The following WNK1 variants were observed in gnomAD, a reference collection of about 807,000 sequenced individuals.
WNK1 encodes serine/threonine-protein kinase WNK1.
A neutral mutation model predicts 222.8 loss-of-function variants in WNK1; 38 were observed. That is an observed-to-expected ratio of 0.17 (90% CI 0.13 to 0.22). The LOEUF (loss-of-function observed/expected upper bound fraction) is 0.22, where lower values mean the gene tolerates loss of function less well. WNK1 is among the 10% of genes least tolerant of loss of function. The probability of loss-of-function intolerance (pLI) is 1.00; values close to 1 mark genes in which losing one functional copy is unlikely to be tolerated. For missense variants in WNK1, 2,348 were observed against 2,918.4 expected (o/e 0.80, Z 4.50); for synonymous variants, 1,090 against 1,092.9 (o/e 1.00, Z 0.05).
At chr12:788,574 T>C (rs1265889326) in intron 1 of WNK1, among the ~76,000 whole-genome samples, 2 of 152,134 alleles carry the variant, frequency 1.3e-5, no homozygotes, top group Non-Finnish European at 2.9e-5. Flanking sequence ...ATATGTTACA[T>C]ATGAAAAATA....
At chr12:883,939 A>G in intron 17 of WNK1, 108 bp downstream of exon 17, 1 of 1,506,802 alleles carries the variant, frequency 6.6e-7, no homozygotes, top group Non-Finnish European at 9.1e-7. Flanking sequence ...GAGGCACGAG[A>G]ATCGCTTGAA....
At chr12:778,616 C>T (rs1283573460) in intron 1 of WNK1, among the ~76,000 whole-genome samples, 1 of 151,672 alleles carries the variant, frequency 6.6e-6, no homozygotes, top group East Asian at 1.9e-4. Context: ...CAGGTGTGAG[C>T]CACCGTGCCC....
chr12:808,813 G>T (rs1946630270), intron 1 of WNK1, among the ~76,000 whole-genome samples: 1 of 147,990 alleles, frequency 6.8e-6, no homozygotes, highest in Non-Finnish European at 1.5e-5. Context: ...GCCTAGGCTG[G>T]AATGCAATGG....
chr12:866,060 G>A (rs1429146807), intron 8 of WNK1, among the ~76,000 whole-genome samples: 1 of 77,294 alleles, frequency 1.3e-5, no homozygotes. Context: ...TTTTAAGCAT[G>A]TGGGTCCTTG....
intron 4 of WNK1, among the ~76,000 whole-genome samples, chr12:854,245 G>A (rs1950607456): frequency 6.6e-6 from 1 of 151,464 alleles, no homozygotes; most frequent in Admixed American, 6.6e-5. Flanking sequence ...GCACACACCT[G>A]TAGTCCCAGC....
chr12:767,832 C>G (rs1421991613), intron 1 of WNK1, among the ~76,000 whole-genome samples: 1 of 152,078 alleles, frequency 6.6e-6, no homozygotes, highest in South Asian at 2.1e-4. Flanking sequence ...ACACCTCTTA[C>G]CTCCCTTCCT....
At position 851,608 on chromosome 12, in the gene WNK1, C is replaced by T. The variant is rs953474964; in HGVS notation, c.1312-5553C>T. On this transcript the variant is annotated intron_variant, in intron 4 of 27. Coordinates refer to ENST00000315939, the MANE Select transcript of WNK1 (RefSeq NM_018979.4). ...TGTTTCAGTCTGACTTTGATGTCTG[C>T]CTTCCTTATGCTGTGGGCTGATGTA... The T allele has an allele frequency of 5.7e-6, 7 of 1,234,078 alleles. No homozygotes were observed. In the African/African-American group the frequency reaches 1.1e-4, roughly 19 times the overall value. 76.4% of individuals were successfully genotyped at this position (1,234,078 alleles called of 1,614,324 possible). A position where few individuals can be genotyped will look rare whatever the true frequency, so the allele number is the denominator to read the frequency against.
At chr12:860,895 C>T in intron 6 of WNK1, 118 bp from the exon 7 acceptor site, 1 of 943,846 alleles carries the variant, frequency 1.1e-6, no homozygotes, top group Non-Finnish European at 1.6e-6. Flanking sequence ...AGAATTCTTT[C>T]TTCCTCCTCT....
intron 1 of WNK1, among the ~76,000 whole-genome samples, chr12:779,740 G>A (rs1489269712): frequency 6.6e-6 from 1 of 152,110 alleles, no homozygotes; most frequent in African/African-American, 2.4e-5. Context: ...TTCACATACA[G>A]CCGTGTGAAT....
intron 1 of WNK1, among the ~76,000 whole-genome samples, chr12:797,808 G>T (rs576896019): frequency 6.6e-6 from 1 of 151,968 alleles, no homozygotes; most frequent in East Asian, 1.9e-4. Context: ...AATTAGCCGG[G>T]CATGGTGGCG....
chr12:848,091 C>T (rs1950156110), intron 4 of WNK1, among the ~76,000 whole-genome samples: 1 of 152,082 alleles, frequency 6.6e-6, no homozygotes, highest in Admixed American at 6.5e-5. Flanking sequence ...AGGCGTGAGC[C>T]ACCGCGCCTG....
At chr12:825,358 AT>A (rs1565483245) in intron 2 of WNK1, among the ~76,000 whole-genome samples, 1 of 152,138 alleles carries the variant, frequency 6.6e-6, no homozygotes, top group East Asian at 1.9e-4. Flanking sequence ...CATGTTTTTC[AT>A]TTTAAGTAGT....
intron 1 of WNK1, among the ~76,000 whole-genome samples, chr12:810,833 G>A (rs1451693588): frequency 1.3e-5 from 2 of 152,312 alleles, no homozygotes; most frequent in East Asian, 3.9e-4. Flanking sequence ...TGTAATTTGG[G>A]TAGTACTGAG....
At chr12:792,286 C>A (rs1196631972) in intron 1 of WNK1, among the ~76,000 whole-genome samples, 1 of 146,118 alleles carries the variant, frequency 6.8e-6, no homozygotes, top group Non-Finnish European at 1.5e-5. Context: ...ATAAATGTTT[C>A]AATTTTTATG....
Position 752,846 on chromosome 12 carries a change from G to A in WNK1, c.-720G>A, listed in dbSNP as rs1264965029. 1.3e-5 allele frequency: 2 copies of A among 152,172 alleles called. No homozygotes were observed. The highest frequency in any genetic ancestry group is 2.4e-5 in the African/African-American group (1 of 41,416). The allele number at this position is 152,172 out of a possible 1,614,324, so 9.4% of individuals were successfully genotyped here. ...CCGGCACCGGCCCGGGAGGAGACGG[G>A]TTTGCCAGGCCTGGGGCGGGCGGGG... On this transcript the variant is annotated 5_prime_UTR_variant, in exon 1 of 28. Coordinates refer to ENST00000315939, the MANE Select transcript of WNK1 (RefSeq NM_018979.4).
At position 911,344 on chromosome 12, in the gene WNK1, A is replaced by AACTC. The variant is rs1384963290; in HGVS notation, c.*2553_*2556dup. 4 of 393,914 alleles carry AACTC rather than the reference A, an allele frequency of 1.0e-5. No individual in the cohort carries two copies. The East Asian group carries it at 1.1e-4, about 11-fold the overall frequency. 24.4% of individuals were successfully genotyped at this position (393,914 alleles called of 1,614,324 possible). On this transcript the variant is annotated 3_prime_UTR_variant, in exon 28 of 28. Coordinates refer to ENST00000315939, the MANE Select transcript of WNK1 (RefSeq NM_018979.4). ...AGCCGTTAATTGTACATTTTGCACT[A>AACTC]ACTCTGGGTGTTGCGCTTCTTGTAA...
Position 861,213 on chromosome 12 carries a change from T to C in WNK1, c.1821T>C (p.Pro607=), listed in dbSNP as rs765384223. 12 of 1,613,956 alleles carry C rather than the reference T, an allele frequency of 7.4e-6. No homozygotes were observed. Among genetic ancestry groups the C allele is most frequent in the Middle Eastern group, 1.6e-4 (1 of 6,084 alleles). Residue 607 remains proline (P), a synonymous_variant, in exon 7 of 28, where the codon CCT becomes CCC. Transcript: ENST00000315939. ...SASQTGIKQL[P]SASTGIPTAS... Reference sequence around the variant, plus strand: ...CCCAGACAGGAATCAAGCAGCTCCCTTCTGCTAGCACCGGCATACCTACTG... The same window carrying C: ...CCCAGACAGGAATCAAGCAGCTCCCCTCTGCTAGCACCGGCATACCTACTG...
intron 1 of WNK1, among the ~76,000 whole-genome samples, chr12:760,715 AGAT>A (rs986187949): frequency 6.8e-6 from 1 of 147,316 alleles, no homozygotes; most frequent in African/African-American, 2.4e-5. Flanking sequence ...TTTATTTGGA[AGAT>A]GATTATGCCT....
intron 4 of WNK1, among the ~76,000 whole-genome samples, chr12:833,960 A>G (rs750827796): frequency 1.2e-4 from 18 of 152,364 alleles, no homozygotes; most frequent in Middle Eastern, 3.4e-3. Context: ...ACAAAGAATT[A>G]TAATTACATT....
Sources: gnomAD v4.1 joint callset for allele counts (sites outside exome capture counted in the v4.1 genomes callset) on GRCh38, gnomAD v4.1.1 for gene constraint, MANE v1.5 for transcripts, NCBI Gene and HGNC (gene_info 2026-07-23, HGNC 2026-07-21) for gene names.